DLGAP1: variants seen among roughly 807,000 people sequenced by gnomAD.
The protein encoded by DLGAP1 is disks large-associated protein 1.
In DLGAP1, 11 loss-of-function variants were observed where a neutral mutation model predicts 90.8. The observed-to-expected ratio is 0.12, with a 90% confidence interval of 0.08 to 0.20. DLGAP1 has a LOEUF of 0.20. DLGAP1 is among the 10% of genes least tolerant of loss of function. The pLI, the probability that DLGAP1 is intolerant of heterozygous loss-of-function variation, is 1.00. For missense variants in DLGAP1, 1,050 were observed against 1,333.8 expected, an observed-to-expected ratio of 0.79 and a Z score of 3.31; for synonymous variants, 558 against 540.7, an observed-to-expected ratio of 1.03 and a Z score of -0.44.
chr18:4,036,111 C>T (rs1364455488), intron 2 of DLGAP1, among the ~76,000 whole-genome samples: 2 of 152,090 alleles, frequency 1.3e-5, no homozygotes, highest in East Asian at 3.9e-4. Context: ...GTTCCATTTG[C>T]AAGTTCTATG....
chr18:3,861,803 A>G (rs2148741719), intron 4 of DLGAP1, among the ~76,000 whole-genome samples: 2 of 152,386 alleles, frequency 1.3e-5, no homozygotes, highest in South Asian at 4.1e-4. Context: ...TTCCTCTGAC[A>G]GTCCACATTA....
chr18:3,776,003 C>G (rs1016671777), intron 5 of DLGAP1, among the ~76,000 whole-genome samples: 60 of 151,114 alleles, frequency 4.0e-4, no homozygotes, highest in Non-Finnish European at 4.6e-4. Context: ...ACTGTACATT[C>G]TGCCAAGACA....
Position 3,955,417 on chromosome 18 carries a change from T to C in DLGAP1, c.-73+49699A>G, listed in dbSNP as rs1391895196. ...CAATGTCTGCCCATCAATCAAAAAG[T>C]TAGGTAGAGACAGGCCGGGCGCCGT... is the stretch of plus-strand genomic sequence containing the variant. On this transcript the variant is annotated intron_variant, in intron 3 of 12. Coordinates refer to ENST00000315677, the MANE Select transcript of DLGAP1 (RefSeq NM_004746.4). 2.0e-5 allele frequency among the ~76,000 whole-genome samples: 3 copies of C among 152,126 alleles called. No individual in the cohort carries two copies. In the East Asian group the frequency reaches 5.8e-4, roughly 29 times the overall value.
chr18:4,262,557 G>T (rs916275404), intron 1 of DLGAP1, among the ~76,000 whole-genome samples: 3 of 152,230 alleles, frequency 2.0e-5, no homozygotes, highest in Admixed American at 1.3e-4. Context: ...CAAGGAAATA[G>T]GAATAAAACT....
intron 1 of DLGAP1, among the ~76,000 whole-genome samples, chr18:4,441,620 A>T (rs1265416773): frequency 1.3e-5 from 2 of 152,230 alleles, no homozygotes; most frequent in Non-Finnish European, 2.9e-5. Flanking sequence ...TTTCTATTGC[A>T]TCTCCACATG....
intron 7 of DLGAP1, among the ~76,000 whole-genome samples, chr18:3,686,703 G>A (rs1376955815): frequency 6.6e-6 from 1 of 152,126 alleles, no homozygotes; most frequent in African/African-American, 2.4e-5. Flanking sequence ...ATAAAGTAGG[G>A]TGCATACCAC....
intron 2 of DLGAP1, among the ~76,000 whole-genome samples, chr18:4,113,667 C>T (rs2144028306): frequency 6.6e-6 from 1 of 152,134 alleles, no homozygotes; most frequent in Admixed American, 6.5e-5. Context: ...CTTTTGAGAA[C>T]TTAGTCGTAA....
At chr18:3,527,346 C>G (rs1413696569) in intron 10 of DLGAP1, among the ~76,000 whole-genome samples, 2 of 150,890 alleles carry the variant, frequency 1.3e-5, no homozygotes, top group Non-Finnish European at 2.9e-5. Context: ...AAGATGATTA[C>G]AACTACCCCA....
At chr18:3,895,111 G>A (rs570488770) in intron 3 of DLGAP1, among the ~76,000 whole-genome samples, 1 of 152,230 alleles carries the variant, frequency 6.6e-6, no homozygotes, top group African/African-American at 2.4e-5. Context: ...CTTTAATCGT[G>A]CAGGTGCTAT....
intron 1 of DLGAP1, among the ~76,000 whole-genome samples, chr18:4,367,130 A>G (rs949525662): frequency 6.6e-5 from 10 of 150,964 alleles, no homozygotes; most frequent in Non-Finnish European, 1.5e-4. Context: ...ATTATAAAGG[A>G]CTGACTTCAA....
chr18:4,387,185 T>C (rs138958654), intron 1 of DLGAP1, among the ~76,000 whole-genome samples: 71 of 152,206 alleles, frequency 4.7e-4, no homozygotes, highest in African/African-American at 1.3e-3. Context: ...AGTGAAAAGG[T>C]AGGCAATATC....
At chr18:4,023,922 C>T (rs2074656835) in intron 2 of DLGAP1, among the ~76,000 whole-genome samples, 1 of 152,100 alleles carries the variant, frequency 6.6e-6, no homozygotes, top group African/African-American at 2.4e-5. Flanking sequence ...ATATGGATCA[C>T]ATGTCTGTGT....
chr18:4,247,547 G>A (rs776018608), intron 1 of DLGAP1, among the ~76,000 whole-genome samples: 3 of 152,056 alleles, frequency 2.0e-5, no homozygotes, highest in Non-Finnish European at 4.4e-5. Context: ...AGGCCGAGCC[G>A]AGCGGATCAC....
chr18:4,106,086 AT>A (rs1388758939), intron 2 of DLGAP1, among the ~76,000 whole-genome samples: 2 of 151,060 alleles, frequency 1.3e-5, no homozygotes, highest in African/African-American at 4.9e-5. Context: ...AAACTGCTTA[AT>A]TTTTAAAAAA....
intron 1 of DLGAP1, among the ~76,000 whole-genome samples, chr18:4,312,114 G>T (rs1019700619): frequency 6.6e-6 from 1 of 152,310 alleles, no homozygotes; most frequent in Admixed American, 6.5e-5. Flanking sequence ...GCCTTCCAAA[G>T]TGCTGGGACT....
intron 1 of DLGAP1, among the ~76,000 whole-genome samples, chr18:4,205,367 G>A (rs558548834): frequency 1.2e-4 from 18 of 152,298 alleles, no homozygotes; most frequent in South Asian, 8.3e-4. Context: ...AGGAGGGGGC[G>A]ATGAGAAGCT....
intron 2 of DLGAP1, among the ~76,000 whole-genome samples, chr18:4,013,164 T>C (rs16945870): frequency 0.22 from 33,371 of 152,192 alleles, 4,142 homozygotes; most frequent in African/African-American, 0.3. Context: ...TTAGCCCTAG[T>C]GTGTCTTGTG....
rs117983465 is a variant in DLGAP1 at position 4,125,319 on chromosome 18, G to T, written c.-159+25861C>A. On this transcript the variant is annotated intron_variant, in intron 2 of 12. Transcript: ENST00000315677. Reference sequence around the variant, plus strand: ...CCAGCCCAGCCTAGCAGTAGGAAGTGGGGGGGCTACAGGAGGAGGCCAGAG... The same window carrying T: ...CCAGCCCAGCCTAGCAGTAGGAAGTTGGGGGGCTACAGGAGGAGGCCAGAG... Among the ~76,000 whole-genome samples the T allele has an allele frequency of 1.2e-3, 186 of 151,648 alleles. 1 individual carries two copies. In the East Asian group the frequency reaches 0.028, roughly 23 times the overall value.
Position 3,754,680 on chromosome 18 carries a change from G to A in DLGAP1, c.1173-12168C>T, listed in dbSNP as rs2063641395. Among the ~76,000 whole-genome samples the A allele has an allele frequency of 3.7e-5, 5 of 136,392 alleles. No homozygotes were observed. In the Admixed American group the frequency reaches 4.1e-4, roughly 11 times the overall value. 89.5% of individuals were successfully genotyped at this position (136,392 alleles called of 152,430 possible). ...GGATTGCATGAGCTCAGGAGTTTGA[G>A]ACCAGCCTGGGCAACATGGTGAAAC... On this transcript the variant is annotated intron_variant, in intron 5 of 12. Transcript: ENST00000315677.
Sources: gnomAD v4.1 joint callset for allele counts (sites outside exome capture counted in the v4.1 genomes callset) on GRCh38, gnomAD v4.1.1 for gene constraint, MANE v1.5 for transcripts, NCBI Gene and HGNC (gene_info 2026-07-23, HGNC 2026-07-21) for gene names.